The following PCSK5 variants were observed in gnomAD, a reference collection of about 807,000 sequenced individuals.
PCSK5 encodes prohormone convertase 5.
PCSK5 carries 129 observed loss-of-function variants against 233.2 expected under a neutral mutation model. That is an observed-to-expected ratio of 0.55 (90% confidence interval 0.48 to 0.64). PCSK5 has a LOEUF of 0.64. Ranked by LOEUF, PCSK5 falls within the 30% of genes least tolerant of loss-of-function variation. PCSK5 has a pLI of 0.00. For missense variants in PCSK5, 2,076 were observed against 2,430.1 expected (o/e 0.85, Z 3.06); for synonymous variants, 825 against 879.2 (o/e 0.94, Z 1.09).
At chr9:76,214,783 G>C (rs775655310) in intron 20 of PCSK5, among the ~76,000 whole-genome samples, 12 of 152,106 alleles carry the variant, frequency 7.9e-5, no homozygotes, top group Non-Finnish European at 1.3e-4. Context: ...CTGAGCCTTG[G>C]TTTCCTCATC....
chr9:76,253,081 G>T (rs1826863179), intron 24 of PCSK5, among the ~76,000 whole-genome samples: 1 of 152,038 alleles, frequency 6.6e-6, no homozygotes, highest in South Asian at 2.1e-4. Context: ...GGAAGGAAGT[G>T]GCTGATTGTA....
intron 24 of PCSK5, among the ~76,000 whole-genome samples, chr9:76,263,531 A>G (rs1187114075): frequency 6.6e-6 from 1 of 152,136 alleles, no homozygotes; most frequent in South Asian, 2.1e-4. Flanking sequence ...CGCAAGAACA[A>G]AAAACCAAAC....
At chr9:76,248,757 A>C (rs1442173763) in intron 24 of PCSK5, among the ~76,000 whole-genome samples, 1 of 152,192 alleles carries the variant, frequency 6.6e-6, no homozygotes, top group African/African-American at 2.4e-5. Flanking sequence ...GTGGTACTCA[A>C]GTAGATAATA....
rs1260604013 is a variant in PCSK5 at position 75,907,816 on chromosome 9, C to A, written c.192+16443C>A. 2.0e-5 allele frequency among the ~76,000 whole-genome samples: 3 copies of A among 152,112 alleles called. No homozygotes were observed. In the East Asian group the frequency reaches 5.8e-4, roughly 29 times the overall value. The stretch of plus-strand genomic sequence containing the variant: ...GTAAGAAACAATTTCCAATCACGGG[C>A]AAATTTCACTGTTTATGTAGAAGCA... On this transcript the variant is annotated intron_variant, in intron 1 of 37. Transcript: ENST00000674117.
intron 7 of PCSK5, among the ~76,000 whole-genome samples, chr9:76,084,753 G>T (rs976346990): frequency 6.6e-6 from 1 of 152,136 alleles, no homozygotes; most frequent in African/African-American, 2.4e-5. Context: ...AGACAGATCA[G>T]TTTCCTTCAA....
intron 10 of PCSK5, among the ~76,000 whole-genome samples, chr9:76,146,528 GTA>G (rs34514445): frequency 2.1e-4 from 31 of 148,692 alleles, no homozygotes; most frequent in South Asian, 4.2e-4. Context: ...ATACATGTAT[GTA>G]TATATATATA....
intron 35 of PCSK5, among the ~76,000 whole-genome samples, chr9:76,349,873 G>A (rs1199145266): frequency 6.6e-6 from 1 of 152,152 alleles, no homozygotes; most frequent in East Asian, 1.9e-4. Context: ...AGTCCTTTTT[G>A]GGGTGTCTGA....
At chr9:76,320,554 A>G (rs1219607752) in intron 30 of PCSK5, among the ~76,000 whole-genome samples, 41 of 137,442 alleles carry the variant, frequency 3.0e-4, no homozygotes, top group African/African-American at 1.0e-3. Flanking sequence ...GCTCACCTCA[A>G]CCTCTGCCTT....
chr9:76,271,846 G>C (rs1216406247), intron 24 of PCSK5, among the ~76,000 whole-genome samples: 1 of 152,030 alleles, frequency 6.6e-6, no homozygotes, highest in Non-Finnish European at 1.5e-5. Flanking sequence ...GCAGTCCTTG[G>C]CATTCTTTAT....
chr9:76,231,173 T>C (rs1437480310), intron 21 of PCSK5, among the ~76,000 whole-genome samples: 1 of 152,100 alleles, frequency 6.6e-6, no homozygotes, highest in Non-Finnish European at 1.5e-5. Context: ...GAGGAAAGGC[T>C]CCTTCTTCAC....
At chr9:75,894,281 A>G (rs961127705) in intron 1 of PCSK5, among the ~76,000 whole-genome samples, 8 of 152,226 alleles carry the variant, frequency 5.3e-5, no homozygotes, top group African/African-American at 1.9e-4. Flanking sequence ...TGCTCAGAAT[A>G]TCAATGTAAT....
intron 20 of PCSK5, chr9:76,194,287 G>T (rs981652580): frequency 6.6e-6 from 1 of 152,084 alleles, no homozygotes; most frequent in Non-Finnish European, 1.5e-5. Context: ...ATGGTGGGAA[G>T]CATTTTGGAT....
intron 7 of PCSK5, among the ~76,000 whole-genome samples, chr9:76,082,576 T>C (rs905951112): frequency 2.6e-5 from 4 of 152,112 alleles, no homozygotes; most frequent in African/African-American, 9.7e-5. Flanking sequence ...TAATGATGAA[T>C]AAATGTTCTA....
chr9:75,972,310 C>T (rs1184773370), intron 2 of PCSK5, among the ~76,000 whole-genome samples: 6 of 152,112 alleles, frequency 3.9e-5, no homozygotes, highest in South Asian at 2.1e-4. Flanking sequence ...AGTCAGGTAG[C>T]GTGATGCCTC....
intron 9 of PCSK5, among the ~76,000 whole-genome samples, chr9:76,122,645 A>G (rs1480771884): frequency 3.3e-5 from 5 of 151,942 alleles, no homozygotes; most frequent in African/African-American, 1.2e-4. Flanking sequence ...TTTCATTACA[A>G]ACTCTTAAGT....
intron 24 of PCSK5, among the ~76,000 whole-genome samples, chr9:76,265,273 G>C (rs1167869305): frequency 1.3e-5 from 2 of 152,092 alleles, no homozygotes; most frequent in East Asian, 3.9e-4. Flanking sequence ...AGGGAGGGAG[G>C]GGGAGGCGGG....
At chr9:76,342,302 G>T (rs1829856438) in intron 35 of PCSK5, among the ~76,000 whole-genome samples, 1 of 152,130 alleles carries the variant, frequency 6.6e-6, no homozygotes. Flanking sequence ...CCAAATGCCT[G>T]GTGGGATGGC....
In PCSK5 at chr9:76,189,944, A is replaced by G. The variant is rs541286541; in HGVS notation, c.2626+198A>G. On this transcript the variant is annotated intron_variant, in intron 20 of 37. Coordinates refer to ENST00000674117, the MANE Select transcript of PCSK5 (RefSeq NM_001372043.1). Reference sequence around the variant, plus strand: ...AATTGCAAAAAGAAATAAATCAGCTACAGTGGCACTGGCCAATATGGCTCA... The same window carrying G: ...AATTGCAAAAAGAAATAAATCAGCTGCAGTGGCACTGGCCAATATGGCTCA... Among the ~76,000 whole-genome samples, 5 of 152,354 alleles carry G rather than the reference A, an allele frequency of 3.3e-5. No homozygotes were observed. The East Asian group carries it at 9.6e-4, about 29-fold the overall frequency.
chr9:76,304,159 G>C lies in PCSK5; in HGVS notation c.3604+1942G>C, dbSNP rs190717713. On this transcript the variant is annotated intron_variant, in intron 28 of 37. Coordinates refer to ENST00000674117, the MANE Select transcript of PCSK5 (RefSeq NM_001372043.1). ...TGCACTCCAGCCTAGGTGATGGAGC[G>C]AGACTCTGTCTCAAAAAATAAAAGA... 2.6e-5 allele frequency among the ~76,000 whole-genome samples: 4 copies of C among 152,100 alleles called. No homozygotes were observed. The South Asian group carries it at 6.2e-4, about 24-fold the overall frequency.
Sources: allele counts gnomAD v4.1 joint callset (sites outside exome capture counted in the v4.1 genomes callset), GRCh38; gene constraint gnomAD v4.1.1; transcripts MANE v1.5; gene names NCBI Gene and HGNC (gene_info 2026-07-23, HGNC 2026-07-21).